CDH12: variants seen among roughly 807,000 people sequenced by gnomAD.
CDH12 encodes the protein cadherin-12.
CDH12 carries 41 observed loss-of-function variants against 74.1 expected under a neutral mutation model. The ratio of observed to expected loss-of-function variants is 0.55; its 90% confidence interval spans 0.43 to 0.72. The LOEUF is 0.72. Ranked by LOEUF, CDH12 falls within the 30% of genes least tolerant of loss-of-function variation. CDH12 has a pLI of 0.00. For missense variants in CDH12, 945 were observed against 977.2 expected, an observed-to-expected ratio of 0.97 and a Z score of 0.44; for synonymous variants, 399 against 355.0, an observed-to-expected ratio of 1.12 and a Z score of -1.39.
chr5:22,275,232 A>T (rs1736579943), intron 3 of CDH12, among the ~76,000 whole-genome samples: 1 of 152,068 alleles, frequency 6.6e-6, no homozygotes, highest in Non-Finnish European at 1.5e-5. Flanking sequence ...ACCATGGCAC[A>T]TGTATACCTA....
At chr5:22,006,599 T>C (rs1344015902) in intron 5 of CDH12, among the ~76,000 whole-genome samples, 1 of 152,164 alleles carries the variant, frequency 6.6e-6, no homozygotes, top group African/African-American at 2.4e-5. Context: ...CTGAAGGCTT[T>C]AGTGAGTTCA....
At chr5:22,114,382 A>G (rs1744975183) in intron 4 of CDH12, among the ~76,000 whole-genome samples, 1 of 152,088 alleles carries the variant, frequency 6.6e-6, no homozygotes, top group South Asian at 2.1e-4. Flanking sequence ...TACTCTGGGC[A>G]TATTCTATCT....
chr5:22,271,222 G>A (rs1229895439), intron 3 of CDH12, among the ~76,000 whole-genome samples: 1 of 151,986 alleles, frequency 6.6e-6, no homozygotes, highest in Non-Finnish European at 1.5e-5. Flanking sequence ...TCTCAACATT[G>A]TTCAAAGCAT....
chr5:21,883,984 T>C lies in CDH12; in HGVS notation c.527-29194A>G. On this transcript the variant is annotated intron_variant, in intron 6 of 14. Coordinates refer to ENST00000382254, the MANE Select transcript of CDH12 (RefSeq NM_004061.5). ...GCTAATGAAGATCAAAAAATTGGTATGGAAATTATTAAAAGAACACTCAAA... is the reference window on the plus strand; with the variant it reads ...GCTAATGAAGATCAAAAAATTGGTACGGAAATTATTAAAAGAACACTCAAA... 8 of 1,582,852 alleles carry C rather than the reference T, an allele frequency of 5.1e-6. 2 individuals are homozygous for C. Among genetic ancestry groups the C allele is most frequent in the Middle Eastern group, 2.0e-4 (1 of 4,982 alleles).
At chr5:22,069,082 C>T (rs1430520724) in intron 5 of CDH12, among the ~76,000 whole-genome samples, 1 of 152,166 alleles carries the variant, frequency 6.6e-6, no homozygotes, top group African/African-American at 2.4e-5. Context: ...ATTTTCCTTC[C>T]AAGCATATAA....
chr5:21,975,021 A>G (rs529222178), intron 6 of CDH12, 70 bp downstream of exon 6: 2 of 906,348 alleles, frequency 2.2e-6, no homozygotes, highest in Admixed American at 2.3e-5. Context: ...AGATGTTTAC[A>G]TCAACCTGCA....
intron 6 of CDH12, among the ~76,000 whole-genome samples, chr5:21,891,015 G>T (rs1007942700): frequency 2.0e-5 from 3 of 152,022 alleles, no homozygotes; most frequent in Admixed American, 2.0e-4. Flanking sequence ...ACTACATTGT[G>T]AAAATTCCAA....
intron 3 of CDH12, among the ~76,000 whole-genome samples, chr5:22,356,941 C>T (rs1740586877): frequency 6.6e-6 from 1 of 152,086 alleles, no homozygotes. Context: ...GTGGAGTTAT[C>T]TTGCAGTTAA....
At chr5:21,867,161 T>C (rs999967913) in intron 6 of CDH12, among the ~76,000 whole-genome samples, 1 of 152,010 alleles carries the variant, frequency 6.6e-6, no homozygotes, top group African/African-American at 2.4e-5. Flanking sequence ...TCGAGACCAG[T>C]CTGGCCAACA....
chr5:22,390,330 T>G (rs1234845118), intron 3 of CDH12, among the ~76,000 whole-genome samples: 1 of 152,186 alleles, frequency 6.6e-6, no homozygotes, highest in African/African-American at 2.4e-5. Context: ...ACTAGAAAAC[T>G]ATGTCTACAA....
chr5:22,805,483 G>A (rs1392918583), intron 1 of CDH12, among the ~76,000 whole-genome samples: 1 of 151,930 alleles, frequency 6.6e-6, no homozygotes, highest in Non-Finnish European at 1.5e-5. Flanking sequence ...TATAGAAAGT[G>A]TAAAATGTAT....
intron 6 of CDH12, among the ~76,000 whole-genome samples, chr5:21,960,500 G>C (rs1756307751): frequency 6.6e-6 from 1 of 152,122 alleles, no homozygotes; most frequent in Admixed American, 6.6e-5. Flanking sequence ...GGGACAGGGA[G>C]TCATATGCTG....
chr5:22,369,839 G>T (rs1044925753), intron 3 of CDH12, among the ~76,000 whole-genome samples: 2 of 152,140 alleles, frequency 1.3e-5, no homozygotes, highest in African/African-American at 4.8e-5. Context: ...GTCAGAATAT[G>T]TGAAAACCCT....
chr5:21,886,131 A>G (rs1227813980), intron 6 of CDH12, among the ~76,000 whole-genome samples: 1 of 152,104 alleles, frequency 6.6e-6, no homozygotes, highest in African/African-American at 2.4e-5. Context: ...GCTCTCTGGA[A>G]GTCTAATGCC....
At chr5:21,762,277 T>A (rs983584854) in intron 12 of CDH12, among the ~76,000 whole-genome samples, 5 of 152,126 alleles carry the variant, frequency 3.3e-5, no homozygotes, top group Admixed American at 2.0e-4. Flanking sequence ...AAGTGTTGCT[T>A]GGAAGTCCCT....
chr5:21,898,678 G>T (rs1470477297), intron 6 of CDH12, among the ~76,000 whole-genome samples: 1 of 151,864 alleles, frequency 6.6e-6, no homozygotes, highest in Non-Finnish European at 1.5e-5. Context: ...CTTCAGCCTG[G>T]CAACAGAGCG....
At chr5:22,832,257 A>G (rs1055889687) in intron 1 of CDH12, among the ~76,000 whole-genome samples, 2 of 152,156 alleles carry the variant, frequency 1.3e-5, no homozygotes, top group Non-Finnish European at 2.9e-5. Context: ...TTATTGGAGC[A>G]TTAACTGTGA....
At chr5:22,791,177 G>T (rs114082606) in intron 1 of CDH12, among the ~76,000 whole-genome samples, 2 of 152,084 alleles carry the variant, frequency 1.3e-5, no homozygotes, top group African/African-American at 4.8e-5. Flanking sequence ...TAAATTCTCC[G>T]GAAGTTTGTT....
chr5:22,068,655 C>T (rs1006232357), intron 5 of CDH12, among the ~76,000 whole-genome samples: 2 of 152,106 alleles, frequency 1.3e-5, no homozygotes, highest in African/African-American at 4.8e-5. Context: ...GGATGGAGCC[C>T]TCAGAATGTG....
Sources: gnomAD v4.1 joint callset for allele counts (sites outside exome capture counted in the v4.1 genomes callset) on GRCh38, gnomAD v4.1.1 for gene constraint, MANE v1.5 for transcripts, NCBI Gene and HGNC (gene_info 2026-07-23, HGNC 2026-07-21) for gene names.